NRG3: variants seen among roughly 807,000 people sequenced by gnomAD.
NRG3 encodes the protein neuregulin 3.
A neutral mutation model predicts 66.9 loss-of-function variants in NRG3; 31 were observed. The ratio of observed to expected loss-of-function variants is 0.46; its 90% CI spans 0.35 to 0.63. The LOEUF (loss-of-function observed/expected upper bound fraction) is 0.63, where lower values mean the gene tolerates loss of function less well. Among genes scored for constraint, NRG3 ranks in the 20% least tolerant of loss-of-function variants. NRG3 has a pLI of 0.00. For synonymous variants in NRG3, 393 were observed against 359.4 expected, an observed-to-expected ratio of 1.09 and a Z score of -1.06; for missense variants, 910 against 878.9, an observed-to-expected ratio of 1.04 and a Z score of -0.45.
At chr10:82,978,299 C>T (rs1018164285) in intron 7 of NRG3, among the ~76,000 whole-genome samples, 2 of 152,056 alleles carry the variant, frequency 1.3e-5, no homozygotes, top group Non-Finnish European at 2.9e-5. Context: ...TCATTGATGG[C>T]ATCTATAAAC....
intron 2 of NRG3, among the ~76,000 whole-genome samples, chr10:82,392,815 C>T (rs2086468863): frequency 6.6e-6 from 1 of 152,060 alleles, no homozygotes; most frequent in South Asian, 2.1e-4. Context: ...GGACTCCACA[C>T]TGCAAGGAGT....
intron 1 of NRG3, among the ~76,000 whole-genome samples, chr10:81,936,817 A>C (rs1564672409): frequency 6.6e-6 from 1 of 152,106 alleles, no homozygotes; most frequent in Non-Finnish European, 1.5e-5. Context: ...GGGGAGGGGA[A>C]GCCATGTGTA....
intron 4 of NRG3, among the ~76,000 whole-genome samples, chr10:82,919,814 G>A (rs532915303): frequency 1.8e-4 from 28 of 152,018 alleles, no homozygotes; most frequent in Admixed American, 4.6e-4. Context: ...CTTGAGAATC[G>A]TGTAAAAATT....
chr10:82,356,922 A>G (rs1278035184), intron 1 of NRG3, among the ~76,000 whole-genome samples: 1 of 152,176 alleles, frequency 6.6e-6, no homozygotes, highest in African/African-American at 2.4e-5. Flanking sequence ...GATTTTGGAG[A>G]TATTTTTCTG....
At chr10:82,155,235 A>G (rs2071099318) in intron 1 of NRG3, among the ~76,000 whole-genome samples, 1 of 151,756 alleles carries the variant, frequency 6.6e-6, no homozygotes, top group Non-Finnish European at 1.5e-5. Flanking sequence ...AATTGCTTTC[A>G]ATGTAGAGTT....
At chr10:82,293,174 C>T (rs1327030625) in intron 1 of NRG3, among the ~76,000 whole-genome samples, 3 of 152,184 alleles carry the variant, frequency 2.0e-5, no homozygotes, top group Non-Finnish European at 4.4e-5. Flanking sequence ...ATGGGCTCCT[C>T]AGCCTCCGTC....
chr10:82,409,655 C>T lies in NRG3; in HGVS notation c.953+50787C>T, dbSNP rs79791125. Among the ~76,000 whole-genome samples, 859 of 152,232 alleles carry T rather than the reference C, an allele frequency of 5.6e-3. 8 individuals are homozygous for T. Among genetic ancestry groups the T allele is most frequent in the African/African-American group, 0.016 (675 of 41,542 alleles). ...TTCTAGTAACTCTTGCTGTATAATA[C>T]GTTAGCCCAAAACTTAGTGGTGTGA... On this transcript the variant is annotated intron_variant, in intron 2 of 8. Coordinates refer to ENST00000372141, the MANE Select transcript of NRG3 (RefSeq NM_001010848.4).
chr10:82,033,623 A>C (rs538052087), intron 1 of NRG3, among the ~76,000 whole-genome samples: 1 of 152,308 alleles, frequency 6.6e-6, no homozygotes, highest in Non-Finnish European at 1.5e-5. Flanking sequence ...AGTTGCCTAC[A>C]GAATGAATGA....
intron 1 of NRG3, among the ~76,000 whole-genome samples, chr10:82,315,339 G>T (rs2081238301): frequency 6.6e-6 from 1 of 152,176 alleles, no homozygotes; most frequent in Non-Finnish European, 1.5e-5. Flanking sequence ...CAGCAGAGCT[G>T]ATCTTTGCCT....
At position 82,985,614 on chromosome 10, in the gene NRG3, G is replaced by A. The variant is rs1442565443; in HGVS notation, c.*9G>A. ...CTGCATTGACCAAGTGACTTGAGAT[G>A]TAGGAATCTGTGCATTCTATGCTTT... On this transcript the variant is annotated 3_prime_UTR_variant, in exon 9 of 9. Coordinates refer to ENST00000372141, the MANE Select transcript of NRG3 (RefSeq NM_001010848.4). 1 of 1,604,666 alleles carries A rather than the reference G, an allele frequency of 6.2e-7. No homozygotes were observed. Among genetic ancestry groups the A allele is most frequent in the Non-Finnish European group, 8.5e-7 (1 of 1,178,130 alleles).
chr10:82,304,767 G>C (rs2080615113), intron 1 of NRG3, among the ~76,000 whole-genome samples: 1 of 152,070 alleles, frequency 6.6e-6, no homozygotes, highest in Non-Finnish European at 1.5e-5. Flanking sequence ...CAACTGATCA[G>C]TGACTTTAAT....
At chr10:82,914,696 A>G (rs952567488) in intron 4 of NRG3, among the ~76,000 whole-genome samples, 1 of 150,892 alleles carries the variant, frequency 6.6e-6, no homozygotes, top group Non-Finnish European at 1.5e-5. Flanking sequence ...TGAGAGCTCA[A>G]TCCTCTAGTG....
chr10:81,876,494 G>C lies in NRG3; in HGVS notation c.823+331G>C, dbSNP rs572702935. 2.0e-5 allele frequency among the ~76,000 whole-genome samples: 3 copies of C among 152,270 alleles called. No homozygotes were observed. In the East Asian group the frequency reaches 5.8e-4, roughly 30 times the overall value. On this transcript the variant is annotated intron_variant, in intron 1 of 8. Transcript: ENST00000372141. Reference sequence around the variant, plus strand: ...CCCTCCTCACTGCAGACCTGCTGGCGAGCTGCCGGATCCCGCTCCAGTAGA... The same window carrying C: ...CCCTCCTCACTGCAGACCTGCTGGCCAGCTGCCGGATCCCGCTCCAGTAGA...
intron 2 of NRG3, among the ~76,000 whole-genome samples, chr10:82,516,801 A>G (rs779503457): frequency 6.6e-5 from 10 of 152,162 alleles, no homozygotes; most frequent in Non-Finnish European, 4.4e-5. Context: ...GTTATTTTCA[A>G]ATGCTTTTAC....
chr10:82,053,095 T>C (rs1564773731), intron 1 of NRG3, among the ~76,000 whole-genome samples: 2 of 152,156 alleles, frequency 1.3e-5, no homozygotes, highest in Non-Finnish European at 2.9e-5. Context: ...TATTTAACAT[T>C]TTCTTTGCTC....
At chr10:82,434,981 C>T (rs1379188617) in intron 2 of NRG3, among the ~76,000 whole-genome samples, 2 of 152,122 alleles carry the variant, frequency 1.3e-5, no homozygotes, top group Non-Finnish European at 2.9e-5. Flanking sequence ...GGAGGAGTCT[C>T]TCCTTTTCAA....
chr10:82,716,225 T>C (rs2056963644), intron 2 of NRG3, among the ~76,000 whole-genome samples: 1 of 152,156 alleles, frequency 6.6e-6, no homozygotes, highest in African/African-American at 2.4e-5. Context: ...GTAGAGAATA[T>C]TTTCAGTTTT....
intron 2 of NRG3, among the ~76,000 whole-genome samples, chr10:82,434,412 C>T (rs1027759735): frequency 6.6e-6 from 1 of 152,060 alleles, no homozygotes; most frequent in African/African-American, 2.4e-5. Context: ...AACTTGACTT[C>T]CTCTGTTCCT....
intron 1 of NRG3, among the ~76,000 whole-genome samples, chr10:82,066,921 A>G (rs974876772): frequency 6.6e-6 from 1 of 152,116 alleles, no homozygotes; most frequent in African/African-American, 2.4e-5. Context: ...TCATTAAGAC[A>G]ATTTTCATAT....
Sources: gnomAD v4.1 joint callset for allele counts (sites outside exome capture counted in the v4.1 genomes callset) on GRCh38, gnomAD v4.1.1 for gene constraint, MANE v1.5 for transcripts, NCBI Gene and HGNC (gene_info 2026-07-23, HGNC 2026-07-21) for gene names.